Variants in BRAF observed in about 807,000 individuals in gnomAD.
The protein encoded by BRAF is B-Raf proto-oncogene, serine/threonine kinase.
BRAF carries 16 observed loss-of-function variants against 104.6 expected under a neutral mutation model. That is an observed-to-expected ratio of 0.15 (90% confidence interval 0.10 to 0.23). The LOEUF (loss-of-function observed/expected upper bound fraction) is 0.23. Ranked by LOEUF, BRAF falls within the 10% of genes least tolerant of loss-of-function variation. The pLI, the probability that BRAF is intolerant of heterozygous loss-of-function variation, is 1.00. For missense variants in BRAF, 541 were observed against 937.3 expected (o/e 0.58, Z 5.52); for synonymous variants, 310 against 341.6 (o/e 0.91, Z 1.02).
In BRAF at chr7:140,776,823, CA is replaced by C. The variant is rs1800377823; in HGVS notation, c.1814+88del. The stretch of plus-strand genomic sequence containing the variant: ...TGTTCCTGGACAGTAATTTAAAATG[CA>C]ATCCAAAAGAATAGCAGCCAAAACC... On this transcript the variant is annotated intron_variant, in intron 14 of 19. Transcript: ENST00000644969. 6 of 1,280,456 alleles carry C rather than the reference CA, an allele frequency of 4.7e-6. No individual in the cohort carries two copies. The East Asian group carries it at 1.4e-4, about 30-fold the overall frequency. 79.3% of individuals were successfully genotyped at this position (1,280,456 alleles called of 1,614,324 possible).
chr7:140,721,156 A>G lies in BRAF; in HGVS notation c.*5338T>C. ...CATACACACTCGTCAAGTCACTATA[A>G]TTATTCAAAATAGCTAAATAAATGT... On this transcript the variant is annotated 3_prime_UTR_variant, in exon 20 of 20. Coordinates refer to ENST00000644969, the MANE Select transcript of BRAF (RefSeq NM_001374258.1). 1 of 1,063,190 alleles carries G rather than the reference A, an allele frequency of 9.4e-7. No individual in the cohort carries two copies. Among genetic ancestry groups the G allele is most frequent in the Non-Finnish European group, 1.1e-6 (1 of 877,008 alleles). The allele number at this position is 1,063,190 out of a possible 1,614,324, so 65.9% of individuals were successfully genotyped here.
intron 14 of BRAF, among the ~76,000 whole-genome samples, chr7:140,766,440 AAT>A (rs1471604777): frequency 3.3e-5 from 5 of 152,146 alleles, no homozygotes; most frequent in South Asian, 2.1e-4. Context: ...AAAGTATAAT[AAT>A]AAAAAAAACA....
intron 1 of BRAF, among the ~76,000 whole-genome samples, chr7:140,886,996 A>G (rs1189118854): frequency 6.6e-6 from 1 of 152,206 alleles, no homozygotes; most frequent in Non-Finnish European, 1.5e-5. Context: ...AGCATGCTAC[A>G]ATTATAGACA....
In BRAF at chr7:140,720,310, A is replaced by G. The variant is rs1379210568; in HGVS notation, c.*6184T>C. 3 of 1,062,548 alleles carry G rather than the reference A, an allele frequency of 2.8e-6. No homozygotes were observed. Among genetic ancestry groups the G allele is most frequent in the Non-Finnish European group, 3.4e-6 (3 of 877,642 alleles). The allele number at this position is 1,062,548 out of a possible 1,614,324, so 65.8% of individuals were successfully genotyped here. A position where few individuals can be genotyped will look rare whatever the true frequency, so the allele number is the denominator to read the frequency against. On this transcript the variant is annotated 3_prime_UTR_variant, in exon 20 of 20. Transcript: ENST00000644969. ...CTGAGTCTATATATGTGGCATGGCC[A>G]AAGGAAACACGGAGGACCCATGGAT...
chr7:140,742,743 G>C (rs1329737548), intron 17 of BRAF, among the ~76,000 whole-genome samples: 3 of 152,110 alleles, frequency 2.0e-5, no homozygotes, highest in Admixed American at 6.5e-5. Context: ...AAACTAAAGA[G>C]CTTCTGCATA....
At chr7:140,729,612 T>C (rs1795820453) in intron 19 of BRAF, among the ~76,000 whole-genome samples, 1 of 151,994 alleles carries the variant, frequency 6.6e-6, no homozygotes, top group Admixed American at 6.6e-5. Context: ...TGAAACTGTT[T>C]CTACTGGGAA....
intron 9 of BRAF, chr7:140,785,879 T>C: frequency 2.5e-6 from 1 of 398,016 alleles, no homozygotes; most frequent in Non-Finnish European, 4.4e-6. Flanking sequence ...AAAGAAGTCA[T>C]GGGGAATAAA....
intron 14 of BRAF, among the ~76,000 whole-genome samples, chr7:140,770,074 T>C (rs1477938065): frequency 2.6e-5 from 4 of 152,230 alleles, no homozygotes; most frequent in African/African-American, 9.6e-5. Context: ...TTTGATCTTA[T>C]CAGAACTCAG....
chr7:140,896,252 T>C (rs996290165), intron 1 of BRAF, among the ~76,000 whole-genome samples: 2 of 152,150 alleles, frequency 1.3e-5, no homozygotes, highest in Admixed American at 1.3e-4. Context: ...TGAGTTGATT[T>C]TTGTATAGGG....
At chr7:140,920,719 A>T (rs1818121855) in intron 1 of BRAF, among the ~76,000 whole-genome samples, 1 of 152,220 alleles carries the variant, frequency 6.6e-6, no homozygotes, top group South Asian at 2.1e-4. Flanking sequence ...GACAGATAAT[A>T]TTCTAAACAG....
At chr7:140,774,398 C>T (rs1203398247) in intron 14 of BRAF, among the ~76,000 whole-genome samples, 1 of 152,218 alleles carries the variant, frequency 6.6e-6, no homozygotes, top group African/African-American at 2.4e-5. Flanking sequence ...TCTTCACTGA[C>T]TGTTCTTCAG....
intron 14 of BRAF, among the ~76,000 whole-genome samples, chr7:140,764,520 A>G (rs1356217673): frequency 1.3e-5 from 2 of 151,652 alleles, no homozygotes; most frequent in Admixed American, 1.3e-4. Context: ...CCCTGTTTGC[A>G]GACGACATGA....
chr7:140,821,694 A>G (rs1805502579), intron 3 of BRAF, among the ~76,000 whole-genome samples: 1 of 152,122 alleles, frequency 6.6e-6, no homozygotes, highest in Non-Finnish European at 1.5e-5. Flanking sequence ...AAGAACTTAA[A>G]ATAGAACTAC....
In BRAF at chr7:140,724,561, C is replaced by G. The variant is rs1440174067; in HGVS notation, c.*1933G>C. ...TGATTAATAACTTAAGGATCTTTTC[C>G]ATTTTACTAGGACAACCTTTTACAA... On this transcript the variant is annotated 3_prime_UTR_variant, in exon 20 of 20. Transcript: ENST00000644969. 1.9e-6 allele frequency: 2 copies of G among 1,041,464 alleles called. No individual in the cohort carries two copies. Among genetic ancestry groups the G allele is most frequent in the Non-Finnish European group, 2.3e-6 (2 of 864,140 alleles). 64.5% of individuals were successfully genotyped at this position (1,041,464 alleles called of 1,614,324 possible).
chr7:140,818,545 T>G (rs1258133957), intron 3 of BRAF, among the ~76,000 whole-genome samples: 2 of 152,150 alleles, frequency 1.3e-5, no homozygotes, highest in African/African-American at 4.8e-5. Flanking sequence ...ACTCCTGACC[T>G]CAGGTGATCC....
intron 3 of BRAF, among the ~76,000 whole-genome samples, chr7:140,817,994 A>G (rs549752450): frequency 2.0e-4 from 31 of 152,278 alleles, no homozygotes; most frequent in African/African-American, 7.0e-4. Flanking sequence ...CAAGATGCTG[A>G]CCATTACATA....
At position 140,725,135 on chromosome 7, in the gene BRAF, A is replaced by G. The variant is rs1004082456; in HGVS notation, c.*1359T>C. On this transcript the variant is annotated 3_prime_UTR_variant, in exon 20 of 20. Transcript: ENST00000644969. ...CAGGCTTGGGAAAAAAGGAAGAAGG[A>G]GAATGAATGGAGACGCCACCATTTT... 5.8e-6 allele frequency: 6 copies of G among 1,042,292 alleles called. No homozygotes were observed. Among genetic ancestry groups the G allele is most frequent in the Non-Finnish European group, 5.8e-6 (5 of 864,836 alleles). The allele number at this position is 1,042,292 out of a possible 1,614,324, so 64.6% of individuals were successfully genotyped here.
chr7:140,810,268 T>C (rs1172647701), intron 3 of BRAF, among the ~76,000 whole-genome samples: 1 of 151,558 alleles, frequency 6.6e-6, no homozygotes, highest in African/African-American at 2.4e-5. Context: ...TAGTGCAATA[T>C]AACCATTAAA....
At chr7:140,786,738 G>A (rs1260276227) in intron 9 of BRAF, among the ~76,000 whole-genome samples, 1 of 152,164 alleles carries the variant, frequency 6.6e-6, no homozygotes, top group Non-Finnish European at 1.5e-5. Context: ...GGTTGATAAT[G>A]TCTGACAAAC....
Sources: allele counts gnomAD v4.1 joint callset (sites outside exome capture counted in the v4.1 genomes callset), GRCh38; gene constraint gnomAD v4.1.1; transcripts MANE v1.5; gene names NCBI Gene and HGNC (gene_info 2026-07-23, HGNC 2026-07-21).